Variants in SEMA6D observed in about 807,000 individuals in gnomAD.
SEMA6D encodes semaphorin-6D.
A neutral mutation model predicts 106.6 loss-of-function variants in SEMA6D; 35 were observed. The observed-to-expected ratio is 0.33, with a 90% CI of 0.25 to 0.44. The LOEUF is 0.44. Among genes scored for constraint, SEMA6D ranks in the 20% least tolerant of loss-of-function variants. SEMA6D has a pLI of 1.00. For missense variants in SEMA6D, 1,185 were observed against 1,345.9 expected (o/e 0.88, Z 1.87); for synonymous variants, 499 against 487.7 (o/e 1.02, Z -0.31).
intron 1 of SEMA6D, among the ~76,000 whole-genome samples, chr15:47,389,020 G>GT (rs928542983): frequency 2.0e-5 from 3 of 150,976 alleles, no homozygotes; most frequent in African/African-American, 4.9e-5. Context: ...AGTAAGTAAT[G>GT]TTTTTTTTCT....
At chr15:47,384,723 C>T (rs983948243) in intron 1 of SEMA6D, among the ~76,000 whole-genome samples, 7 of 151,378 alleles carry the variant, frequency 4.6e-5, no homozygotes, top group Admixed American at 2.6e-4. Context: ...ATCTCTAGCC[C>T]GGAGTAAGGC....
At chr15:47,378,768 A>G (rs927164411) in intron 1 of SEMA6D, among the ~76,000 whole-genome samples, 1 of 152,246 alleles carries the variant, frequency 6.6e-6, no homozygotes, top group Admixed American at 6.5e-5. Flanking sequence ...AGAGAACTCT[A>G]TTAGAATTAA....
intron 4 of SEMA6D, among the ~76,000 whole-genome samples, chr15:47,695,583 A>C (rs537779963): frequency 6.6e-6 from 1 of 152,258 alleles, no homozygotes; most frequent in South Asian, 2.1e-4. Context: ...TTGTTAAATG[A>C]AGTTCTTAAT....
chr15:47,574,461 A>G (rs1252294999), intron 3 of SEMA6D, among the ~76,000 whole-genome samples: 1 of 152,172 alleles, frequency 6.6e-6, no homozygotes, highest in African/African-American at 2.4e-5. Context: ...ATACACATCA[A>G]TTGAAACAAC....
intron 1 of SEMA6D, among the ~76,000 whole-genome samples, chr15:47,255,312 G>A (rs895851012): frequency 6.6e-6 from 1 of 151,518 alleles, no homozygotes; most frequent in Non-Finnish European, 1.5e-5. Context: ...CTTTAATTTT[G>A]TAAATTTGAG....
At chr15:47,397,883 G>GT (rs2040270066) in intron 1 of SEMA6D, 1 of 152,052 alleles carries the variant, frequency 6.6e-6, no homozygotes, top group South Asian at 2.1e-4. Context: ...TTCCATTGCT[G>GT]TTTTTTCATT....
intron 1 of SEMA6D, among the ~76,000 whole-genome samples, chr15:47,285,920 T>G (rs1020105031): frequency 6.6e-5 from 10 of 152,258 alleles, no homozygotes; most frequent in African/African-American, 2.4e-4. Context: ...ACTAACATTT[T>G]ATTGGATATT....
At chr15:47,344,884 G>A (rs684499) in intron 1 of SEMA6D, among the ~76,000 whole-genome samples, 71,031 of 152,030 alleles carry the variant, frequency 0.47, 19,711 homozygotes, top group South Asian at 0.61. Context: ...ATATACAAAA[G>A]TCCAATTACG....
intron 1 of SEMA6D, among the ~76,000 whole-genome samples, chr15:47,364,427 G>A (rs541445758): frequency 6.6e-6 from 1 of 152,266 alleles, no homozygotes; most frequent in Non-Finnish European, 1.5e-5. Context: ...AAGGTCTAAA[G>A]GGAATTTTTA....
At chr15:47,406,406 A>G (rs1022290035) in intron 1 of SEMA6D, among the ~76,000 whole-genome samples, 1 of 152,220 alleles carries the variant, frequency 6.6e-6, no homozygotes, top group Non-Finnish European at 1.5e-5. Context: ...GCATAATAAT[A>G]GCTCTACTGA....
chr15:47,459,301 C>G (rs966701868), intron 2 of SEMA6D, among the ~76,000 whole-genome samples: 2 of 151,962 alleles, frequency 1.3e-5, no homozygotes, highest in African/African-American at 4.8e-5. Context: ...AAAGCCAGGC[C>G]CCTCATTCAA....
chr15:47,268,280 A>G (rs1351477179), intron 1 of SEMA6D, among the ~76,000 whole-genome samples: 1 of 152,210 alleles, frequency 6.6e-6, no homozygotes, highest in African/African-American at 2.4e-5. Context: ...TGTGAGAACT[A>G]CTGACCTAGA....
chr15:47,570,416 A>G (rs1170967373), intron 3 of SEMA6D, among the ~76,000 whole-genome samples: 1 of 152,184 alleles, frequency 6.6e-6, no homozygotes, highest in Non-Finnish European at 1.5e-5. Flanking sequence ...TGTGTGTTCA[A>G]TGTTTTAGTT....
chr15:47,474,733 A>T (rs1008684420), intron 3 of SEMA6D, among the ~76,000 whole-genome samples: 1 of 152,202 alleles, frequency 6.6e-6, no homozygotes, highest in African/African-American at 2.4e-5. Flanking sequence ...TGCTCAGCAA[A>T]TGGTCCCTTT....
chr15:47,216,792 G>T (rs2030663465), intron 1 of SEMA6D, among the ~76,000 whole-genome samples: 1 of 152,016 alleles, frequency 6.6e-6, no homozygotes, highest in Admixed American at 6.6e-5. Flanking sequence ...TAATTAAAGA[G>T]ATGAAAATCA....
At chr15:47,476,831 T>A (rs1050970229) in intron 3 of SEMA6D, among the ~76,000 whole-genome samples, 1 of 152,186 alleles carries the variant, frequency 6.6e-6, no homozygotes, top group Non-Finnish European at 1.5e-5. Context: ...ACCCCTGTAC[T>A]TCCCTCCTTT....
chr15:47,242,231 C>A (rs557855559), intron 1 of SEMA6D, among the ~76,000 whole-genome samples: 1 of 152,024 alleles, frequency 6.6e-6, no homozygotes, highest in Non-Finnish European at 1.5e-5. Flanking sequence ...AAAGTAATTG[C>A]GGTTTTTGCC....
chr15:47,288,862 C>T (rs982986956), intron 1 of SEMA6D, among the ~76,000 whole-genome samples: 1 of 152,208 alleles, frequency 6.6e-6, no homozygotes, highest in Non-Finnish European at 1.5e-5. Context: ...ACTTAATCAA[C>T]TAGTATTGAA....
At chr15:47,227,554 G>GTC (rs375441155) in intron 1 of SEMA6D, among the ~76,000 whole-genome samples, 1,894 of 134,776 alleles carry the variant, frequency 0.014, 28 homozygotes, top group African/African-American at 0.029. Context: ...CTCTCTCTCT[G>GTC]TCTCTCTCTC....
Sources: gnomAD v4.1 joint callset for allele counts (sites outside exome capture counted in the v4.1 genomes callset) on GRCh38, gnomAD v4.1.1 for gene constraint, MANE v1.5 for transcripts, NCBI Gene and HGNC (gene_info 2026-07-23, HGNC 2026-07-21) for gene names.